DNMT1: variants seen among roughly 807,000 people sequenced by gnomAD.
The protein encoded by DNMT1 is DNA (cytosine-5)-methyltransferase 1.
DNMT1 carries 24 observed loss-of-function variants against 205.3 expected under a neutral mutation model. The ratio of observed to expected loss-of-function variants is 0.12; its 90% CI spans 0.08 to 0.16. DNMT1 has a LOEUF of 0.16. Among genes scored for constraint, DNMT1 ranks in the 10% least tolerant of loss-of-function variants. The pLI is 1.00. For missense variants in DNMT1, 1,293 were observed against 2,177.7 expected (o/e 0.59, Z 8.09); for synonymous variants, 817 against 839.8 (o/e 0.97, Z 0.47).
chr19:10,179,085 C>T (rs1015839778), intron 5 of DNMT1, among the ~76,000 whole-genome samples: 4 of 143,682 alleles, frequency 2.8e-5, no homozygotes, highest in African/African-American at 5.2e-5. Flanking sequence ...GCCGAGATTG[C>T]GCCACTGCAC....
At chr19:10,136,757 GT>G (rs111746390) in intron 37 of DNMT1, among the ~76,000 whole-genome samples, 19,368 of 143,326 alleles carry the variant, frequency 0.14, 1,769 homozygotes, top group East Asian at 0.39. Context: ...TTTATTTATT[GT>G]TTTTTTTTTT....
At position 10,194,853 on chromosome 19, in the gene DNMT1, G is replaced by T. The variant is rs1476955893; in HGVS notation, c.47C>A (p.Pro16Gln). 1.2e-6 allele frequency: 2 copies of T among 1,611,366 alleles called. No individual in the cohort carries two copies. The highest frequency in any genetic ancestry group is 1.3e-5 in the African/African-American group (1 of 74,730). ...APARVPTLAV[P>Q]AISLPDDVRR... ...GACATCGTCGGGCAGCGAGATGGCC[G>T]GGACGGCCAGTGTGGGCACCCGGGC... The change falls in exon 1 of 41, where the codon CCG becomes CAG. Residue 16 changes from proline (P) to glutamine (Q), a missense_variant. Pro to Gln is a moderately conservative substitution (Grantham distance 76). This residue lies in a region of DNMT1 where 394 missense variants were observed against 451.6 expected (regional missense o/e 0.87). Transcript: ENST00000359526.
Position 10,142,072 on chromosome 19 carries a change from G to C in DNMT1, c.3265C>G (p.Gln1089Glu). The stretch of plus-strand genomic sequence containing the variant: ...TTGGGGCCGCCCATGGAGTACACCT[G>C]GACGCACTCGGGCAGGTCCTCCCCA... ...EYGEDLPECVQVYSMGGPNRF... is the reference protein window; with the variant it reads ...EYGEDLPECVEVYSMGGPNRF... Residue 1089 changes from glutamine (Q) to glutamate (E), a missense_variant, in exon 30 of 41, where the codon CAG becomes GAG. Transcript: ENST00000359526. The C allele has an allele frequency of 6.2e-7, 1 of 1,611,516 alleles. No homozygotes were observed. Among genetic ancestry groups the C allele is most frequent in the African/African-American group, 1.3e-5 (1 of 75,004 alleles).
intron 1 of DNMT1, chr19:10,184,269 A>C (rs2039135866): frequency 6.6e-6 from 1 of 152,346 alleles, no homozygotes; most frequent in East Asian, 1.9e-4. Flanking sequence ...GGGTGGTGGC[A>C]TTTTGAGGAT....
At chr19:10,193,388 C>T (rs1280933666) in intron 1 of DNMT1, among the ~76,000 whole-genome samples, 1 of 151,682 alleles carries the variant, frequency 6.6e-6, no homozygotes, top group East Asian at 1.9e-4. Flanking sequence ...GAGACAGGGT[C>T]TCACTCTGTC....
At position 10,138,497 on chromosome 19, in the gene DNMT1, G is replaced by T. The variant is rs1457279202; in HGVS notation, c.4057C>A (p.Arg1353=). The change falls in exon 35 of 41, where the codon CGG becomes AGG. Residue 1353 remains arginine, a synonymous_variant. Coordinates refer to ENST00000359526, the MANE Select transcript of DNMT1 (RefSeq NM_001130823.3). The surrounding 1 kb of genome is among the most constrained non-coding windows in gnomAD (Gnocchi z 4.1). ...FPEPLHVFAP[R]ACQLSVVVDD... ...ACCACCACGCTCAGCTGGCAGGCCC[G>T]GGGAGCAAACACGTGCAGTGGCTCC... The T allele has an allele frequency of 1.2e-6, 2 of 1,613,486 alleles. No homozygotes were observed. Among genetic ancestry groups the T allele is most frequent in the Non-Finnish European group, 1.7e-6 (2 of 1,180,042 alleles).
rs551947685 is a variant in DNMT1, at chr19:10,153,506, G to A, written c.2019+787C>T. Among the ~76,000 whole-genome samples, 10 of 151,960 alleles carry A rather than the reference G, an allele frequency of 6.6e-5. No homozygotes were observed. The East Asian group carries it at 9.7e-4, about 15-fold the overall frequency. On this transcript the variant is annotated intron_variant, in intron 22 of 40. Coordinates refer to ENST00000359526, the MANE Select transcript of DNMT1 (RefSeq NM_001130823.3). ...AAAAAAATTAGCCGGGTATGGTGGC[G>A]GGTGCCTATAATCCCAGCCACTCGG...
At chr19:10,162,441 T>C (rs1308375430) in intron 13 of DNMT1, among the ~76,000 whole-genome samples, 1 of 151,734 alleles carries the variant, frequency 6.6e-6, no homozygotes. Flanking sequence ...AGATAATTTT[T>C]GTATTTTTAG....
At chr19:10,143,655 A>T in intron 29 of DNMT1, 111 bp downstream of exon 29, 2 of 1,216,780 alleles carry the variant, frequency 1.6e-6, no homozygotes, top group Non-Finnish European at 2.4e-6. Context: ...AAAAACAGCT[A>T]CTTCAACCTA....
chr19:10,139,771 T>G lies in DNMT1; in HGVS notation c.3853A>C (p.Arg1285=). The change falls in exon 34 of 41, where the codon AGG becomes CGG. Residue 1285 remains arginine, a synonymous_variant. Transcript: ENST00000359526. ...GAGCGCTTGAAGGAGACAAAGTTCCTGACATTCTCCAGGAGGAAGAACCGG... is the reference window on the plus strand; with the variant it reads ...GAGCGCTTGAAGGAGACAAAGTTCCGGACATTCTCCAGGAGGAAGAACCGG... The part of the protein sequence containing the change: ...RPRFFLLENV[R]NFVSFKRSMV... The G allele has an allele frequency of 6.2e-7, 1 of 1,606,618 alleles. No homozygotes were observed.
chr19:10,177,492 T>A (rs911785436), intron 5 of DNMT1, 125 bp from the exon 6 acceptor site: 5 of 924,096 alleles, frequency 5.4e-6, no homozygotes, highest in Non-Finnish European at 8.2e-6. Flanking sequence ...GGACTAAGCA[T>A]CTTTGCATTT....
chr19:10,194,630 G>T, intron 1 of DNMT1, 190 bp downstream of exon 1: 1 of 710,390 alleles, frequency 1.4e-6, no homozygotes, highest in Non-Finnish European at 2.2e-6. Context: ...CCATTTTGGC[G>T]CCAAACAGCC....
intron 10 of DNMT1, 32 bp from the exon 11 acceptor site, chr19:10,166,717 G>A: frequency 6.2e-7 from 1 of 1,613,214 alleles, no homozygotes; most frequent in Non-Finnish European, 8.5e-7. Context: ...ACACAGGCTG[G>A]TCAGCTCGGG....
chr19:10,144,274 G>A (rs1460086831), intron 28 of DNMT1: 2 of 391,292 alleles, frequency 5.1e-6, no homozygotes, highest in East Asian at 5.9e-5. Context: ...CGGGTGTGGT[G>A]GTACATGCCT....
intron 1 of DNMT1, among the ~76,000 whole-genome samples, chr19:10,193,423 G>A (rs947541324): frequency 1.3e-5 from 2 of 150,630 alleles, no homozygotes; most frequent in East Asian, 2.0e-4. Context: ...GCAATAGCGC[G>A]ATCTCAGCTC....
rs769962566 is a variant in DNMT1 at position 10,135,847 on chromosome 19, G to T, written c.4662C>A (p.Arg1554=). The T allele has an allele frequency of 1.3e-6, 2 of 1,551,728 alleles. No homozygotes were observed. The highest frequency in any genetic ancestry group is 2.4e-5 in the East Asian group (1 of 41,576). The change falls in exon 39 of 41, where the codon CGC becomes CGA. Residue 1554 remains arginine, a synonymous_variant. Transcript: ENST00000359526. ...CACGGTGCTGCTCTGGGTGGAGCAC[G>T]CGGCCCTGGGGGAAAGAGGCGCGGT... ...TNPEPMGKQG[R]VLHPEQHRVV...
rs547783144 is a variant in DNMT1 at position 10,143,222 on chromosome 19, C to T, written c.3116+544G>A. 2.6e-4 allele frequency among the ~76,000 whole-genome samples: 40 copies of T among 152,186 alleles called. No homozygotes were observed. The East Asian group carries it at 5.4e-3, about 21-fold the overall frequency. On this transcript the variant is annotated intron_variant, in intron 29 of 40. Transcript: ENST00000359526. ...TCTGGGGGTGCCCAGGCACTCTACC[C>T]GTTTTTTCTTTTGAGACGGGGTCTG...
chr19:10,190,975 T>C (rs2039292065), intron 1 of DNMT1, among the ~76,000 whole-genome samples: 1 of 151,792 alleles, frequency 6.6e-6, no homozygotes, highest in African/African-American at 2.4e-5. Context: ...TACCTGGGCT[T>C]GGTGGCGGGC....
chr19:10,141,336 T>G (rs748150574), intron 30 of DNMT1, 147 bp from the exon 31 acceptor site: 3 of 758,396 alleles, frequency 4.0e-6, no homozygotes, highest in Non-Finnish European at 6.8e-6. Context: ...GTAGTTTGAC[T>G]TTGCTACAAT....
Sources: allele counts gnomAD v4.1 joint callset (sites outside exome capture counted in the v4.1 genomes callset), GRCh38; gene constraint gnomAD v4.1.1; regional missense constraint gnomAD v4.1.1; non-coding constraint Gnocchi (gnomAD v3.1); transcripts MANE v1.5; gene names NCBI Gene and HGNC (gene_info 2026-07-23, HGNC 2026-07-21).